The following HS3ST4 variants were observed in gnomAD, a reference collection of about 807,000 sequenced individuals.
HS3ST4 encodes heparan sulfate-glucosamine 3-sulfotransferase 4, also known as heparan sulfate glucosamine 3-O-sulfotransferase 4.
HS3ST4 carries 17 observed loss-of-function variants against 29.2 expected under a neutral mutation model. The observed-to-expected ratio is 0.58, with a 90% CI of 0.40 to 0.87. HS3ST4 has a LOEUF of 0.87. HS3ST4 is among the 40% of genes least tolerant of loss of function. The pLI is 0.00. For synonymous variants in HS3ST4, 314 were observed against 285.7 expected, an observed-to-expected ratio of 1.10 and a Z score of -1.00; for missense variants, 627 against 634.5, an observed-to-expected ratio of 0.99 and a Z score of 0.13.
At chr16:26,123,619 A>G (rs763602216) in intron 1 of HS3ST4, among the ~76,000 whole-genome samples, 1 of 152,206 alleles carries the variant, frequency 6.6e-6, no homozygotes, top group Non-Finnish European at 1.5e-5. Flanking sequence ...CTGTCAGCCG[A>G]GCAGTGTATG....
At chr16:25,745,496 C>G (rs1412457114) in intron 1 of HS3ST4, among the ~76,000 whole-genome samples, 1 of 152,126 alleles carries the variant, frequency 6.6e-6, no homozygotes, top group East Asian at 1.9e-4. Context: ...GAATCCTGGG[C>G]CATGTCCTAT....
At chr16:25,827,794 T>C (rs527954529) in intron 1 of HS3ST4, among the ~76,000 whole-genome samples, 4 of 152,136 alleles carry the variant, frequency 2.6e-5, no homozygotes, top group Non-Finnish European at 2.9e-5. Context: ...ATGTGCCAGA[T>C]TGATTTGTGA....
chr16:26,008,338 C>T (rs1382689935), intron 1 of HS3ST4, among the ~76,000 whole-genome samples: 2 of 152,136 alleles, frequency 1.3e-5, no homozygotes, highest in Admixed American at 1.3e-4. Flanking sequence ...TTCATTATGT[C>T]TGTTTATTCA....
chr16:25,732,548 G>T (rs1474183730), intron 1 of HS3ST4, among the ~76,000 whole-genome samples: 1 of 152,136 alleles, frequency 6.6e-6, no homozygotes, highest in Admixed American at 6.5e-5. Context: ...CCTTCAGCTG[G>T]TGTTCTGGGT....
chr16:25,730,369 C>CTTCT (rs886124222), intron 1 of HS3ST4, among the ~76,000 whole-genome samples: 4 of 147,346 alleles, frequency 2.7e-5, no homozygotes, highest in Admixed American at 2.7e-4. Context: ...CCCTCCCTTC[C>CTTCT]TTCTTTCCTT....
At chr16:25,881,467 A>T (rs1183276662) in intron 1 of HS3ST4, among the ~76,000 whole-genome samples, 1 of 152,232 alleles carries the variant, frequency 6.6e-6, no homozygotes, top group Non-Finnish European at 1.5e-5. Context: ...TTAAAATAAA[A>T]TCCTTCGATA....
intron 1 of HS3ST4, among the ~76,000 whole-genome samples, chr16:25,701,211 A>G (rs1006440837): frequency 2.0e-5 from 3 of 152,234 alleles, no homozygotes; most frequent in African/African-American, 7.2e-5. Flanking sequence ...TTTTATGTTT[A>G]TTAATCTTTT....
At chr16:25,789,738 C>T (rs1017659957) in intron 1 of HS3ST4, among the ~76,000 whole-genome samples, 20 of 152,110 alleles carry the variant, frequency 1.3e-4, no homozygotes, top group African/African-American at 4.1e-4. Flanking sequence ...CTGTGCTCCT[C>T]ATAGTCACTA....
intron 1 of HS3ST4, among the ~76,000 whole-genome samples, chr16:25,951,366 C>T (rs986175644): frequency 1.1e-4 from 17 of 152,176 alleles, no homozygotes; most frequent in African/African-American, 4.1e-4. Context: ...CTTCTACAAT[C>T]GAGTTGATAT....
chr16:25,987,326 G>A (rs557484714), intron 1 of HS3ST4, among the ~76,000 whole-genome samples: 1 of 150,634 alleles, frequency 6.6e-6, no homozygotes, highest in South Asian at 2.1e-4. Flanking sequence ...TCCAGCCTGG[G>A]CAACAAGAGC....
chr16:26,012,639 A>G (rs1261434946), intron 1 of HS3ST4, among the ~76,000 whole-genome samples: 1 of 152,184 alleles, frequency 6.6e-6, no homozygotes, highest in Non-Finnish European at 1.5e-5. Flanking sequence ...AAGGCTTAAA[A>G]TAGTGCATTA....
chr16:25,717,302 A>G (rs981294420), intron 1 of HS3ST4, among the ~76,000 whole-genome samples: 5 of 152,206 alleles, frequency 3.3e-5, no homozygotes, highest in African/African-American at 1.2e-4. Flanking sequence ...GTAGAGAAGA[A>G]AGATGTAATC....
chr16:25,791,568 A>G (rs1041715772), intron 1 of HS3ST4, among the ~76,000 whole-genome samples: 1 of 152,108 alleles, frequency 6.6e-6, no homozygotes, highest in Middle Eastern at 3.2e-3. Flanking sequence ...CATTTATTAA[A>G]GTGTCTTTTA....
chr16:25,864,998 A>G (rs1287855678), intron 1 of HS3ST4, among the ~76,000 whole-genome samples: 1 of 137,472 alleles, frequency 7.3e-6, no homozygotes, highest in Non-Finnish European at 1.6e-5. Flanking sequence ...ACACTCACAC[A>G]CACAAACACA....
At chr16:25,808,827 A>ACCTGT (rs1967014813) in intron 1 of HS3ST4, among the ~76,000 whole-genome samples, 2 of 129,174 alleles carry the variant, frequency 1.5e-5, no homozygotes, top group African/African-American at 6.2e-5. Context: ...CAGATACTAT[A>ACCTGT]CCTATTAAGC....
intron 1 of HS3ST4, among the ~76,000 whole-genome samples, chr16:26,026,940 G>A (rs553195441): frequency 1.6e-4 from 24 of 152,264 alleles, no homozygotes; most frequent in African/African-American, 5.5e-4. Flanking sequence ...ACATGAATCC[G>A]TAGGCTAAGC....
intron 1 of HS3ST4, among the ~76,000 whole-genome samples, chr16:25,855,958 A>T (rs540209526): frequency 1.3e-5 from 2 of 151,958 alleles, no homozygotes; most frequent in African/African-American, 4.8e-5. Context: ...CAGCTGGATA[A>T]GGCTCTGGTA....
At chr16:25,954,281 A>G (rs758869212) in intron 1 of HS3ST4, among the ~76,000 whole-genome samples, 5 of 152,234 alleles carry the variant, frequency 3.3e-5, no homozygotes, top group Non-Finnish European at 5.9e-5. Flanking sequence ...CAAATGCTGC[A>G]TCACATAGTA....
intron 1 of HS3ST4, among the ~76,000 whole-genome samples, chr16:26,130,080 G>C (rs573987935): frequency 2.7e-4 from 41 of 152,272 alleles, no homozygotes; most frequent in African/African-American, 8.9e-4. Context: ...CCAGGACCAG[G>C]AGAGTGCAGT....
Sources: gnomAD v4.1 joint callset for allele counts (sites outside exome capture counted in the v4.1 genomes callset) on GRCh38, gnomAD v4.1.1 for gene constraint, MANE v1.5 for transcripts, NCBI Gene and HGNC (gene_info 2026-07-23, HGNC 2026-07-21) for gene names.